The following H4C6 variants were observed in gnomAD, a reference collection of about 807,000 sequenced individuals.
H4C6 encodes the protein H4 clustered histone 6.
H4C6 carries 8 observed loss-of-function variants against 5.7 expected under a neutral mutation model. The observed-to-expected ratio is 1.41, with a 90% CI of 0.82 to 2.54. H4C6 has a LOEUF of 2.54. H4C6 is among the 30% of genes most tolerant of loss of function. The pLI is 0.00. For synonymous variants in H4C6, 124 were observed against 57.0 expected (o/e 2.18, Z -5.30); for missense variants, 230 against 145.9 (o/e 1.58, Z -2.97).
In H4C6 at chr6:26,240,591, C is replaced by G; in HGVS notation, c.166C>G (p.Arg56Gly). 3 of 1,614,220 alleles carry G rather than the reference C, an allele frequency of 1.9e-6. No individual in the cohort carries two copies. The highest frequency in any genetic ancestry group is 2.5e-6 in the Non-Finnish European group (3 of 1,180,018). The change falls in exon 1 of 1, where the codon CGC becomes GGC. Residue 56 changes from arginine (R) to glycine (G), a missense_variant. Arg to Gly is a moderately radical substitution (Grantham distance 125). Transcript: ENST00000244537. ...RISGLIYEET[R>G]GVLKVFLENV... ...TTCGGGCCTCATTTATGAGGAGACC[C>G]GCGGTGTTCTTAAGGTGTTCCTGGA...
chr6:26,240,628 G>C lies in H4C6; in HGVS notation c.203G>C (p.Arg68Pro), dbSNP rs765458844. ...VLKVFLENVI[R>P]DAVTYTEHAK... ...AAGGTGTTCCTGGAGAATGTGATAC[G>C]GGACGCCGTAACCTACACGGAGCAC... is the stretch of plus-strand genomic sequence containing the variant. The change falls in exon 1 of 1, where the codon CGG becomes CCG. Residue 68 changes from arginine (R) to proline (P), a missense_variant. Physicochemically the swap from Arg to Pro is moderately radical, Grantham distance 103. Transcript: ENST00000244537. 1.2e-6 allele frequency: 2 copies of C among 1,613,768 alleles called. No homozygotes were observed. The highest frequency in any genetic ancestry group is 1.7e-6 in the Non-Finnish European group (2 of 1,179,924).
chr6:26,240,673 C>T lies in H4C6; in HGVS notation c.248C>T (p.Thr83Ile). The T allele has an allele frequency of 2.5e-6, 4 of 1,612,020 alleles. No individual in the cohort carries two copies. The African/African-American group carries it at 4.0e-5, about 16-fold the overall frequency. ...YTEHAKRKTV[T>I]AMDVVYALKR... ...GAGCACGCCAAGCGTAAGACAGTCACTGCAATGGATGTTGTCTACGCGCTC... is the reference window on the plus strand; with the variant it reads ...GAGCACGCCAAGCGTAAGACAGTCATTGCAATGGATGTTGTCTACGCGCTC... Residue 83 changes from threonine (T) to isoleucine (I), a missense_variant, in exon 1 of 1, where the codon ACT (threonine) becomes ATT (isoleucine). Transcript: ENST00000244537.
rs144127955 is a variant in H4C6 at position 26,240,500 on chromosome 6, C to G, written c.75C>G (p.Asp25Glu). The change falls in exon 1 of 1, where the codon GAC (aspartate) becomes GAG (glutamate). Residue 25 changes from aspartate to glutamate, a missense_variant. Transcript: ENST00000244537. ...AGCGCCATCGCAAAGTGCTGCGTGACAACATACAGGGCATCACGAAGCCCG... is the reference window on the plus strand; with the variant it reads ...AGCGCCATCGCAAAGTGCTGCGTGAGAACATACAGGGCATCACGAAGCCCG... ...GAKRHRKVLR[D>E]NIQGITKPAI... 2 of 1,610,932 alleles carry G rather than the reference C, an allele frequency of 1.2e-6. No homozygotes were observed. The highest frequency in any genetic ancestry group is 1.7e-6 in the Non-Finnish European group (2 of 1,177,394).
chr6:26,240,579 T>A lies in H4C6; in HGVS notation c.154T>A (p.Tyr52Asn), dbSNP rs1759869908. ...CGTGAAACGCATTTCGGGCCTCATT[T>A]ATGAGGAGACCCGCGGTGTTCTTAA... ...GGVKRISGLI[Y>N]EETRGVLKVF... The change falls in exon 1 of 1, where the codon TAT (tyrosine) becomes AAT (asparagine). Residue 52 changes from tyrosine to asparagine, a missense_variant. Physicochemically the swap from Tyr to Asn is moderately radical, Grantham distance 143 (BLOSUM62 -2). Coordinates refer to ENST00000244537, the MANE Select transcript of H4C6 (RefSeq NM_003540.4). 1 of 1,614,222 alleles carries A rather than the reference T, an allele frequency of 6.2e-7. No individual in the cohort carries two copies. The highest frequency in any genetic ancestry group is 8.5e-7 in the Non-Finnish European group (1 of 1,180,012).
rs768941022 is a variant in H4C6, at chr6:26,240,746, C to T, written c.*9C>T. ...ACGGCTTTGGTGGCTGAGCCTCACCCCGGCTTTTTATTTAACAGCTCACCC... is the reference window on the plus strand; with the variant it reads ...ACGGCTTTGGTGGCTGAGCCTCACCTCGGCTTTTTATTTAACAGCTCACCC... On this transcript the variant is annotated 3_prime_UTR_variant, in exon 1 of 1. Coordinates refer to ENST00000244537, the MANE Select transcript of H4C6 (RefSeq NM_003540.4). The T allele has an allele frequency of 1.9e-6, 3 of 1,545,186 alleles. No homozygotes were observed. Among genetic ancestry groups the T allele is most frequent in the Admixed American group, 2.0e-5 (1 of 50,730 alleles).
rs369933245 is a variant in H4C6, at chr6:26,240,777, A to T, written c.*40A>T. ...TTTTATTTAACAGCTCACCCATAAA[A>T]GGCCCTTTTCAGGGCCACCTCCTTC... On this transcript the variant is annotated 3_prime_UTR_variant, in exon 1 of 1. Transcript: ENST00000244537. The T allele has an allele frequency of 6.6e-7, 1 of 1,514,272 alleles. No individual in the cohort carries two copies. The highest frequency in any genetic ancestry group is 1.4e-5 in the African/African-American group (1 of 72,046). 93.8% of individuals were successfully genotyped at this position (1,514,272 alleles called of 1,614,324 possible).
rs551545691 is a variant in H4C6, at chr6:26,240,406, G to A, written c.-20G>A. 3 of 1,527,912 alleles carry A rather than the reference G, an allele frequency of 2.0e-6. No homozygotes were observed. The highest frequency in any genetic ancestry group is 4.1e-5 in the Admixed American group (2 of 48,506). 94.6% of individuals were successfully genotyped at this position (1,527,912 alleles called of 1,614,324 possible). A position where few individuals can be genotyped will look rare whatever the true frequency, so the allele number is the denominator to read the frequency against. On this transcript the variant is annotated 5_prime_UTR_variant, in exon 1 of 1. Transcript: ENST00000244537. ...TGTAGCAAAGTTGCAAAAGTTAAGA[G>A]TTGTTGTTTGTCTTCGATCATGTCT... is the stretch of plus-strand genomic sequence containing the variant.
In H4C6 at chr6:26,240,581, T is replaced by C. The variant is rs374299507; in HGVS notation, c.156T>C (p.Tyr52=). 4 of 1,614,250 alleles carry C rather than the reference T, an allele frequency of 2.5e-6. No individual in the cohort carries two copies. Among genetic ancestry groups the C allele is most frequent in the Non-Finnish European group, 3.4e-6 (4 of 1,180,028 alleles). The change falls in exon 1 of 1, where the codon TAT becomes TAC. Residue 52 remains tyrosine (Y), a synonymous_variant. Coordinates refer to ENST00000244537, the MANE Select transcript of H4C6 (RefSeq NM_003540.4). Reference sequence around the variant, plus strand: ...TGAAACGCATTTCGGGCCTCATTTATGAGGAGACCCGCGGTGTTCTTAAGG... The same window carrying C: ...TGAAACGCATTTCGGGCCTCATTTACGAGGAGACCCGCGGTGTTCTTAAGG... ...GGVKRISGLI[Y]EETRGVLKVF...
At position 26,240,633 on chromosome 6, in the gene H4C6, G is replaced by T. The variant is rs763083589; in HGVS notation, c.208G>T (p.Ala70Ser). 1 of 1,613,642 alleles carries T rather than the reference G, an allele frequency of 6.2e-7. No individual in the cohort carries two copies. Among genetic ancestry groups the T allele is most frequent in the East Asian group, 2.2e-5 (1 of 44,798 alleles). ...KVFLENVIRD[A>S]VTYTEHAKRK... is the part of the protein sequence containing the mutation. ...GTTCCTGGAGAATGTGATACGGGAC[G>T]CCGTAACCTACACGGAGCACGCCAA... is the stretch of plus-strand genomic sequence containing the variant. Residue 70 changes from alanine (A) to serine (S), a missense_variant, in exon 1 of 1, where the codon GCC becomes TCC. Ala to Ser is a moderately conservative substitution (Grantham distance 99). Coordinates refer to ENST00000244537, the MANE Select transcript of H4C6 (RefSeq NM_003540.4).
chr6:26,240,544 G>A lies in H4C6; in HGVS notation c.119G>A (p.Arg40Gln), dbSNP rs1284645428. ...ITKPAIRRLA[R>Q]RGGVKRISGL... Reference sequence around the variant, plus strand: ...AAGCCCGCCATCCGTCGCTTGGCCCGACGCGGCGGCGTGAAACGCATTTCG... The same window carrying A: ...AAGCCCGCCATCCGTCGCTTGGCCCAACGCGGCGGCGTGAAACGCATTTCG... The change falls in exon 1 of 1, where the codon CGA becomes CAA. Residue 40 changes from arginine (R) to glutamine (Q), a missense_variant. Coordinates refer to ENST00000244537, the MANE Select transcript of H4C6 (RefSeq NM_003540.4). 6.2e-7 allele frequency: 1 copy of A among 1,614,162 alleles called. No homozygotes were observed. Among genetic ancestry groups the A allele is most frequent in the Non-Finnish European group, 8.5e-7 (1 of 1,179,950 alleles).
At position 26,240,695 on chromosome 6, in the gene H4C6, G is replaced by A; in HGVS notation, c.270G>A (p.Ala90=). 7.5e-6 allele frequency: 12 copies of A among 1,606,062 alleles called. No homozygotes were observed. The highest frequency in any genetic ancestry group is 9.4e-6 in the Non-Finnish European group (11 of 1,175,152). Residue 90 remains alanine, a synonymous_variant, in exon 1 of 1, where the codon GCG becomes GCA. Coordinates refer to ENST00000244537, the MANE Select transcript of H4C6 (RefSeq NM_003540.4). ...TCACTGCAATGGATGTTGTCTACGCGCTCAAGCGCCAGGGACGCACTCTGT... is the reference window on the plus strand; with the variant it reads ...TCACTGCAATGGATGTTGTCTACGCACTCAAGCGCCAGGGACGCACTCTGT... The part of the protein sequence containing the change: ...KTVTAMDVVY[A]LKRQGRTLYG...
chr6:26,240,532 G>A lies in H4C6; in HGVS notation c.107G>A (p.Arg36His). The change falls in exon 1 of 1, where the codon CGT becomes CAT. Residue 36 changes from arginine (R) to histidine (H), a missense_variant. Coordinates refer to ENST00000244537, the MANE Select transcript of H4C6 (RefSeq NM_003540.4). ...NIQGITKPAI[R>H]RLARRGGVKR... ...CAGGGCATCACGAAGCCCGCCATCC[G>A]TCGCTTGGCCCGACGCGGCGGCGTG... 1.2e-6 allele frequency: 2 copies of A among 1,614,082 alleles called. No homozygotes were observed. The highest frequency in any genetic ancestry group is 1.7e-6 in the Non-Finnish European group (2 of 1,179,896).
In H4C6 at chr6:26,240,704, C is replaced by G; in HGVS notation, c.279C>G (p.Arg93=). ...TGGATGTTGTCTACGCGCTCAAGCG[C>G]CAGGGACGCACTCTGTACGGCTTTG... The part of the protein sequence containing the change: ...TAMDVVYALK[R]QGRTLYGFGG The change falls in exon 1 of 1, where the codon CGC becomes CGG. Residue 93 remains arginine, a synonymous_variant. Coordinates refer to ENST00000244537, the MANE Select transcript of H4C6 (RefSeq NM_003540.4). The G allele has an allele frequency of 6.2e-7, 1 of 1,603,390 alleles. No individual in the cohort carries two copies. Among genetic ancestry groups the G allele is most frequent in the East Asian group, 2.2e-5 (1 of 44,812 alleles).
In H4C6 at chr6:26,240,525, G is replaced by A. The variant is rs866041115; in HGVS notation, c.100G>A (p.Ala34Thr). The A allele has an allele frequency of 1.2e-6, 2 of 1,613,982 alleles. No individual in the cohort carries two copies. Among genetic ancestry groups the A allele is most frequent in the Non-Finnish European group, 1.7e-6 (2 of 1,179,822 alleles). ...RDNIQGITKP[A>T]IRRLARRGGV... ...CAACATACAGGGCATCACGAAGCCC[G>A]CCATCCGTCGCTTGGCCCGACGCGG... is the stretch of plus-strand genomic sequence containing the variant. Residue 34 changes from alanine to threonine, a missense_variant, in exon 1 of 1, where the codon GCC becomes ACC. Physicochemically the swap from Ala to Thr is moderately conservative, Grantham distance 58. Transcript: ENST00000244537.
At position 26,240,729 on chromosome 6, in the gene H4C6, G is replaced by A; in HGVS notation, c.304G>A (p.Gly102Ser). Residue 102 changes from glycine (G) to serine (S), a missense_variant, in exon 1 of 1, where the codon GGT (glycine) becomes AGT (serine). Physicochemically the swap from Gly to Ser is moderately conservative, Grantham distance 56 (BLOSUM62 0). Transcript: ENST00000244537. ...CCAGGGACGCACTCTGTACGGCTTT[G>A]GTGGCTGAGCCTCACCCCGGCTTTT... ...KRQGRTLYGFGG is the reference protein window; with the variant it reads ...KRQGRTLYGFSG The A allele has an allele frequency of 6.3e-7, 1 of 1,576,604 alleles. No homozygotes were observed. Among genetic ancestry groups the A allele is most frequent in the Non-Finnish European group, 8.6e-7 (1 of 1,159,394 alleles).
chr6:26,240,740 C>T lies in H4C6; in HGVS notation c.*3C>T, dbSNP rs780675074. 6 of 1,547,770 alleles carry T rather than the reference C, an allele frequency of 3.9e-6. No individual in the cohort carries two copies. The highest frequency in any genetic ancestry group is 5.2e-6 in the Non-Finnish European group (6 of 1,146,282). ...CTCTGTACGGCTTTGGTGGCTGAGC[C>T]TCACCCCGGCTTTTTATTTAACAGC... On this transcript the variant is annotated 3_prime_UTR_variant, in exon 1 of 1. Transcript: ENST00000244537.
chr6:26,240,414 T>G lies in H4C6; in HGVS notation c.-12T>G. ...AGTTGCAAAAGTTAAGAGTTGTTGT[T>G]TGTCTTCGATCATGTCTGGTAGAGG... On this transcript the variant is annotated 5_prime_UTR_variant, in exon 1 of 1. Coordinates refer to ENST00000244537, the MANE Select transcript of H4C6 (RefSeq NM_003540.4). 1 of 1,531,244 alleles carries G rather than the reference T, an allele frequency of 6.5e-7. No homozygotes were observed. The highest frequency in any genetic ancestry group is 2.3e-5 in the East Asian group (1 of 43,850). The allele number at this position is 1,531,244 out of a possible 1,614,324, so 94.9% of individuals were successfully genotyped here. A position where few individuals can be genotyped will look rare whatever the true frequency, so the allele number is the denominator to read the frequency against.
At position 26,240,619 on chromosome 6, in the gene H4C6, A is replaced by AT. The variant is rs748138654; in HGVS notation, c.195dup (p.Val66CysfsTer15). 2.1e-4 allele frequency: 338 copies of AT among 1,613,980 alleles called. No individual in the cohort carries two copies. The highest frequency in any genetic ancestry group is 1.4e-4 in the Non-Finnish European group (171 of 1,180,016). ...GGTGTTCTTAAGGTGTTCCTGGAGAATGTGATACGGGACGCCGTAACCTAC... is the reference window on the plus strand; with the variant it reads ...GGTGTTCTTAAGGTGTTCCTGGAGAATTGTGATACGGGACGCCGTAACCTAC... On this transcript the variant is annotated frameshift_variant, in exon 1 of 1. Transcript: ENST00000244537. LOFTEE classifies it high-confidence loss of function.
rs770876950 is a variant in H4C6, at chr6:26,240,664, A to G, written c.239A>G (p.Lys80Arg). The change falls in exon 1 of 1, where the codon AAG (lysine) becomes AGG (arginine). Residue 80 changes from lysine (K) to arginine (R), a missense_variant. Transcript: ENST00000244537. Reference sequence around the variant, plus strand: ...ACCTACACGGAGCACGCCAAGCGTAAGACAGTCACTGCAATGGATGTTGTC... The same window carrying G: ...ACCTACACGGAGCACGCCAAGCGTAGGACAGTCACTGCAATGGATGTTGTC... Reference protein sequence around the residue: ...AVTYTEHAKRKTVTAMDVVYA... With the variant: ...AVTYTEHAKRRTVTAMDVVYA... 1.2e-6 allele frequency: 2 copies of G among 1,613,126 alleles called. No homozygotes were observed. The highest frequency in any genetic ancestry group is 1.7e-6 in the Non-Finnish European group (2 of 1,179,344).
Sources: gnomAD v4.1 joint callset for allele counts on GRCh38, gnomAD v4.1.1 for gene constraint, MANE v1.5 for transcripts, NCBI Gene and HGNC (gene_info 2026-07-23, HGNC 2026-07-21) for gene names.